The following DYNC2H1 variants were observed in gnomAD, a reference collection of about 807,000 sequenced individuals.
DYNC2H1 encodes the protein dynein cytoplasmic 2 heavy chain 1.
A neutral mutation model predicts 570.0 loss-of-function variants in DYNC2H1; 410 were observed. The observed-to-expected ratio is 0.72, with a 90% CI of 0.66 to 0.78. The LOEUF is 0.78. Ranked by LOEUF, DYNC2H1 falls within the 30% of genes least tolerant of loss-of-function variation. The pLI, the probability that DYNC2H1 is intolerant of heterozygous loss-of-function variation, is 0.00. For missense variants in DYNC2H1, 4,865 were observed against 5,046.4 expected (o/e 0.96, Z 1.09); for synonymous variants, 1,688 against 1,677.6 (o/e 1.01, Z -0.15).
At chr11:103,403,274 G>A (rs1488636053) in intron 84 of DYNC2H1, 2 of 151,986 alleles carry the variant, frequency 1.3e-5, no homozygotes, top group Non-Finnish European at 2.9e-5. Context: ...TAATTCTCAA[G>A]AGGTTAAATG....
intron 55 of DYNC2H1, among the ~76,000 whole-genome samples, chr11:103,217,155 A>G (rs1324735056): frequency 6.6e-6 from 1 of 152,180 alleles, no homozygotes; most frequent in African/African-American, 2.4e-5. Flanking sequence ...ACTAATGTAT[A>G]TATCTCAATT....
Position 103,133,414 on chromosome 11 carries a change from C to T in DYNC2H1, c.1954-141C>T. The T allele has an allele frequency of 1.4e-6, 1 of 701,892 alleles. No homozygotes were observed. The highest frequency in any genetic ancestry group is 2.2e-6 in the Non-Finnish European group (1 of 454,664). The allele number at this position is 701,892 out of a possible 1,614,324, so 43.5% of individuals were successfully genotyped here. A position where few individuals can be genotyped will look rare whatever the true frequency, so the allele number is the denominator to read the frequency against. On this transcript the variant is annotated intron_variant, in intron 13 of 88. Transcript: ENST00000375735. The surrounding 1 kb of genome is among the most constrained non-coding windows in gnomAD (Gnocchi z 4.8). ...CTCAATCTTTGCCAGACTGCCTTAT[C>T]ATTTATAAAATGGAAAATTATTATG...
intron 73 of DYNC2H1, 54 bp from the exon 74 acceptor site, chr11:103,286,201 T>C: frequency 6.3e-7 from 1 of 1,584,608 alleles, no homozygotes; most frequent in Non-Finnish European, 8.5e-7. Flanking sequence ...AAAATAAATG[T>C]ATGTGCTTAT....
At chr11:103,115,897 G>C (rs923222365) in intron 4 of DYNC2H1, among the ~76,000 whole-genome samples, 1 of 151,998 alleles carries the variant, frequency 6.6e-6, no homozygotes, top group African/African-American at 2.4e-5. Flanking sequence ...CTTTTGAATG[G>C]GTATTCACTT....
chr11:103,168,643 C>T, intron 31 of DYNC2H1, 112 bp from the exon 32 acceptor site: 1 of 1,167,026 alleles, frequency 8.6e-7, no homozygotes, highest in Non-Finnish European at 1.2e-6. Flanking sequence ...TCATATGTGT[C>T]ATGAAATTAC....
chr11:103,114,674 A>G (rs1858288309), intron 3 of DYNC2H1, among the ~76,000 whole-genome samples: 1 of 152,218 alleles, frequency 6.6e-6, no homozygotes, highest in South Asian at 2.1e-4. Context: ...TAGGAGCAAT[A>G]CAAGATTAGG....
chr11:103,121,947 T>C (rs1022522291), intron 10 of DYNC2H1, among the ~76,000 whole-genome samples: 10 of 151,188 alleles, frequency 6.6e-5, no homozygotes, highest in African/African-American at 2.4e-4. Context: ...AGAGATGCTA[T>C]CTCAAAAAAA....
chr11:103,181,875 G>A lies in DYNC2H1; in HGVS notation c.6466G>A (p.Val2156Ile). The change falls in exon 40 of 89, where the codon GTT (valine) becomes ATT (isoleucine). Residue 2156 changes from valine to isoleucine, a missense_variant. Physicochemically the swap from Val to Ile is conservative, Grantham distance 29 (BLOSUM62 3). This residue lies in a region of DYNC2H1 where 231 missense variants were observed against 310.3 expected (regional missense o/e 0.74). Coordinates refer to ENST00000375735, the MANE Select transcript of DYNC2H1 (RefSeq NM_001377.3). This position sits in a 1 kb window ranked among gnomAD's most constrained non-coding sequence, Gnocchi z 5.0. The stretch of plus-strand genomic sequence containing the variant: ...TTATTTTGAAAAGGCTTTACAATGG[G>A]TTCTAAAGCAGGTAAATTAACCATA... ...GDYFEKALQW[V>I]LKQNDYVVET... 1 of 1,604,554 alleles carries A rather than the reference G, an allele frequency of 6.2e-7. No individual in the cohort carries two copies. Among genetic ancestry groups the A allele is most frequent in the South Asian group, 1.1e-5 (1 of 89,710 alleles).
At chr11:103,312,107 A>G (rs1295363336) in intron 79 of DYNC2H1, 74 bp downstream of exon 79, 2 of 1,477,714 alleles carry the variant, frequency 1.4e-6, no homozygotes, top group Non-Finnish European at 1.8e-6. Context: ...GTGGCCAGGC[A>G]TGGTGGCTCA....
chr11:103,304,868 G>A (rs956220820), intron 77 of DYNC2H1, 148 bp downstream of exon 77: 20 of 938,874 alleles, frequency 2.1e-5, no homozygotes, highest in Middle Eastern at 3.7e-4. Flanking sequence ...TCATAAATAT[G>A]TACAATTCTG....
In DYNC2H1 at chr11:103,241,990, C is replaced by G. The variant is rs1864439530; in HGVS notation, c.9820-1703C>G. Among the ~76,000 whole-genome samples the G allele has an allele frequency of 6.6e-6, 1 of 152,016 alleles. No individual in the cohort carries two copies. The highest frequency in any genetic ancestry group is 1.5e-5 in the Non-Finnish European group (1 of 68,010). ...ACAGGGCAGATAATTCCCACTATCTCCCTCCCTCTTGGTGTGCCACTGAGA... is the reference window on the plus strand; with the variant it reads ...ACAGGGCAGATAATTCCCACTATCTGCCTCCCTCTTGGTGTGCCACTGAGA... On this transcript the variant is annotated intron_variant, in intron 63 of 88. Coordinates refer to ENST00000375735, the MANE Select transcript of DYNC2H1 (RefSeq NM_001377.3). The surrounding 1 kb of genome is among the most constrained non-coding windows in gnomAD (Gnocchi z 5.1).
At chr11:103,146,203 T>C (rs1362276121) in intron 18 of DYNC2H1, among the ~76,000 whole-genome samples, 6 of 152,180 alleles carry the variant, frequency 3.9e-5, no homozygotes, top group Non-Finnish European at 7.4e-5. Flanking sequence ...TCAAATAAAA[T>C]GGTATGTAAT....
chr11:103,296,004 G>A (rs1866808189), intron 75 of DYNC2H1, among the ~76,000 whole-genome samples: 1 of 152,136 alleles, frequency 6.6e-6, no homozygotes, highest in Admixed American at 6.5e-5. Flanking sequence ...ACCACACTGA[G>A]TTCCAATGCA....
intron 82 of DYNC2H1, 42 bp from the exon 83 acceptor site, chr11:103,358,183 TTTCTTCCTGTTCGGCTGA>T: frequency 1.0e-6 from 1 of 990,358 alleles, no homozygotes; most frequent in Non-Finnish European, 1.5e-6. Flanking sequence ...ACCTATGTTC[TTTCTTCCTGTTCGGCTGA>T]AGTTCTTTTT....
At chr11:103,447,307 T>A (rs1272962124) in intron 85 of DYNC2H1, among the ~76,000 whole-genome samples, 4 of 152,124 alleles carry the variant, frequency 2.6e-5, no homozygotes, top group Admixed American at 1.3e-4. Context: ...TTTCCTTTTT[T>A]AACAGTAAGG....
At chr11:103,420,087 A>C (rs1354690817) in intron 84 of DYNC2H1, among the ~76,000 whole-genome samples, 4 of 152,158 alleles carry the variant, frequency 2.6e-5, no homozygotes, top group Admixed American at 6.5e-5. Context: ...AGAATAGAGA[A>C]AAAAGAATGG....
At position 103,128,921 on chromosome 11, in the gene DYNC2H1, T is replaced by A. The variant is rs1158251821; in HGVS notation, c.1869T>A (p.Phe623Leu). Residue 623 changes from phenylalanine (F) to leucine (L), a missense_variant, in exon 13 of 89, where the codon TTT (phenylalanine) becomes TTA (leucine). Coordinates refer to ENST00000375735, the MANE Select transcript of DYNC2H1 (RefSeq NM_001377.3). Reference sequence around the variant, plus strand: ...CTTTTACTTTGTAGGTGGCACATTTTTATAATTCTATTGATCAACAAATGA... The same window carrying A: ...CTTTTACTTTGTAGGTGGCACATTTATATAATTCTATTGATCAACAAATGA... ...QAIILKQVAH[F>L]YNSIDQQMIQ... is the part of the protein sequence containing the mutation. 1 of 1,586,974 alleles carries A rather than the reference T, an allele frequency of 6.3e-7. No individual in the cohort carries two copies.
chr11:103,342,445 A>G (rs1185421691), intron 82 of DYNC2H1, among the ~76,000 whole-genome samples: 1 of 151,378 alleles, frequency 6.6e-6, no homozygotes, highest in East Asian at 1.9e-4. Context: ...ACAACGTGGA[A>G]CCTTTGTTCT....
intron 87 of DYNC2H1, among the ~76,000 whole-genome samples, chr11:103,464,208 G>A (rs1945117900): frequency 6.6e-6 from 1 of 152,108 alleles, no homozygotes; most frequent in Non-Finnish European, 1.5e-5. Flanking sequence ...AAAATAACAA[G>A]AACTTCTGGA....
Sources: gnomAD v4.1 joint callset for allele counts (sites outside exome capture counted in the v4.1 genomes callset) on GRCh38, gnomAD v4.1.1 for gene constraint, gnomAD v4.1.1 regional missense constraint, Gnocchi (gnomAD v3.1) non-coding constraint, MANE v1.5 for transcripts, NCBI Gene and HGNC (gene_info 2026-07-23, HGNC 2026-07-21) for gene names.